The following OR6Y1 variants were observed in gnomAD, a reference collection of about 807,000 sequenced individuals.
OR6Y1 encodes the protein olfactory receptor 6Y1.
Under a neutral mutation model 0.4 loss-of-function variants are expected in OR6Y1, and 1 was observed. That is an observed-to-expected ratio of 2.74 (90% CI 0.97 to 13.02). The LOEUF (loss-of-function observed/expected upper bound fraction) is 13.02, where lower values mean the gene tolerates loss of function less well. Among genes scored for constraint, OR6Y1 ranks in the 30% most tolerant of loss-of-function variants. The pLI, the probability that OR6Y1 is intolerant of heterozygous loss-of-function variation, is 0.12. For missense variants in OR6Y1, 480 were observed against 399.8 expected (o/e 1.20, Z -1.71); for synonymous variants, 173 against 141.1 (o/e 1.23, Z -1.60).
intron 1 of OR6Y1, among the ~76,000 whole-genome samples, chr1:158,549,757 C>G (rs1488906788): frequency 2.0e-5 from 3 of 151,868 alleles, no homozygotes; most frequent in East Asian, 3.9e-4. Context: ...ATTCACTAGG[C>G]AGTGTGAGAG....
At position 158,549,174 on chromosome 1, in the gene OR6Y1, A is replaced by C. The variant is rs1647635963; in HGVS notation, c.-1069T>G. On this transcript the variant is annotated 5_prime_UTR_variant, in exon 2 of 2. Transcript: ENST00000641622. ...TGTAATCTGTTGGGAGTAATATCAG[A>C]GAAAACAAGCAAGAATTCTATTAGT... is the stretch of plus-strand genomic sequence containing the variant. 6.6e-6 allele frequency: 1 copy of C among 151,856 alleles called. No individual in the cohort carries two copies. Among genetic ancestry groups the C allele is most frequent in the South Asian group, 2.1e-4 (1 of 4,838 alleles). The allele number at this position is 151,856 out of a possible 1,614,324, so 9.4% of individuals were successfully genotyped here. A position where few individuals can be genotyped will look rare whatever the true frequency, so the allele number is the denominator to read the frequency against.
chr1:158,549,586 G>C (rs1393722479), intron 1 of OR6Y1, 49 bp from the exon 2 acceptor site: 1 of 151,538 alleles, frequency 6.6e-6, no homozygotes, highest in Non-Finnish European at 1.5e-5. Context: ...TCTGAGAGAG[G>C]GAAATGGACA....
In OR6Y1 at chr1:158,548,343, G is replaced by A. The variant is rs1471775972; in HGVS notation, c.-238C>T. On this transcript the variant is annotated 5_prime_UTR_variant, in exon 2 of 2. Transcript: ENST00000641622. ...TTCTCAAGAGCAGTAACTTGTCCAA[G>A]GTCATACAAAATAGAGTTTATAACT... 2.2e-6 allele frequency: 1 copy of A among 464,016 alleles called. No individual in the cohort carries two copies. The highest frequency in any genetic ancestry group is 3.8e-6 in the Non-Finnish European group (1 of 263,288). The allele number at this position is 464,016 out of a possible 1,614,324, so 28.7% of individuals were successfully genotyped here. A position where few individuals can be genotyped will look rare whatever the true frequency, so the allele number is the denominator to read the frequency against.
In OR6Y1 at chr1:158,547,960, A is replaced by G. The variant is rs369453828; in HGVS notation, c.146T>C (p.Leu49Pro). 8.7e-6 allele frequency: 14 copies of G among 1,613,480 alleles called. No homozygotes were observed. Among genetic ancestry groups the G allele is most frequent in the Non-Finnish European group, 1.2e-5 (14 of 1,179,998 alleles). Residue 49 changes from leucine (L) to proline (P), a missense_variant, in exon 2 of 2, where the codon CTT (leucine) becomes CCT (proline). Physicochemically the swap from Leu to Pro is moderately conservative, Grantham distance 98. Coordinates refer to ENST00000641622, the MANE Select transcript of OR6Y1 (RefSeq NM_001005189.2). ...ATCACTGTGGATAGCTAAGATGATAAGAAGATTCTCCAGCAGTGTCAGCAG... is the reference window on the plus strand; with the variant it reads ...ATCACTGTGGATAGCTAAGATGATAGGAAGATTCTCCAGCAGTGTCAGCAG... ...TYLLTLLENL[L>P]IILAIHSDGQ... is the part of the protein sequence containing the mutation.
Position 158,547,271 on chromosome 1 carries a change from C to A in OR6Y1, c.835G>T (p.Val279Leu). 2 of 1,613,550 alleles carry A rather than the reference C, an allele frequency of 1.2e-6. No homozygotes were observed. The highest frequency in any genetic ancestry group is 1.7e-6 in the Non-Finnish European group (2 of 1,179,978). ...ACAATGACAGTGTAGAGAACAGATA[C>A]CACTTTGTTGGAATTGTAGGCATAC... ...LMYAYNSNKV[V>L]SVLYTVIVPL... Residue 279 changes from valine to leucine, a missense_variant, in exon 2 of 2, where the codon GTA (valine) becomes TTA (leucine). Val to Leu is a conservative substitution (Grantham distance 32). Coordinates refer to ENST00000641622, the MANE Select transcript of OR6Y1 (RefSeq NM_001005189.2).
In OR6Y1 at chr1:158,549,722, T is replaced by A. The variant is rs182218954; in HGVS notation, c.-1432-185A>T. Among the ~76,000 whole-genome samples the A allele has an allele frequency of 3.4e-3, 516 of 151,842 alleles. 22 individuals carry two copies. Among genetic ancestry groups the A allele is most frequent in the African/African-American group, 0.011 (472 of 41,190 alleles). ...AACACACACACAGTCAACACAAAACTTGTCCTTGCTCATTGCAGCTTGGTA... is the reference window on the plus strand; with the variant it reads ...AACACACACACAGTCAACACAAAACATGTCCTTGCTCATTGCAGCTTGGTA... On this transcript the variant is annotated intron_variant, in intron 1 of 1. Transcript: ENST00000641622.
In OR6Y1 at chr1:158,546,963, T is replaced by C. The variant is rs1379741038; in HGVS notation, c.*165A>G. 1 of 607,150 alleles carries C rather than the reference T, an allele frequency of 1.6e-6. No homozygotes were observed. The highest frequency in any genetic ancestry group is 2.7e-6 in the Non-Finnish European group (1 of 367,594). The allele number at this position is 607,150 out of a possible 1,614,324, so 37.6% of individuals were successfully genotyped here. A position where few individuals can be genotyped will look rare whatever the true frequency, so the allele number is the denominator to read the frequency against. ...CAGAGGTTACTTCTTGAGAACATGT[T>C]TCTCCAGTCATGATTGTGTATACAC... On this transcript the variant is annotated 3_prime_UTR_variant, in exon 2 of 2. Coordinates refer to ENST00000641622, the MANE Select transcript of OR6Y1 (RefSeq NM_001005189.2).
rs1557895090 is a variant in OR6Y1 at position 158,547,153 on chromosome 1, T to TGG, written c.951_952dup (p.Gln318ProfsTer19). On this transcript the variant is annotated frameshift_variant, in exon 2 of 2. Transcript: ENST00000641622. LOFTEE classifies it low-confidence loss of function (END_TRUNC). ...TTAACTACTGAAAGCCCCATTTCCC[T>TGG]GGGGCCCACTTCCTCTGCAATGTAT... The TGG allele has an allele frequency of 6.2e-7, 1 of 1,613,016 alleles. No individual in the cohort carries two copies. The highest frequency in any genetic ancestry group is 1.3e-5 in the African/African-American group (1 of 74,534).
chr1:158,550,491 C>T (rs1391275222), intron 1 of OR6Y1, among the ~76,000 whole-genome samples: 1 of 151,090 alleles, frequency 6.6e-6, no homozygotes, highest in African/African-American at 2.5e-5. Flanking sequence ...TGGAATTTAG[C>T]TTTGAGGTCC....
chr1:158,547,201 A>C lies in OR6Y1; in HGVS notation c.905T>G (p.Val302Gly), dbSNP rs759016146. 6.8e-6 allele frequency: 11 copies of C among 1,613,420 alleles called. No individual in the cohort carries two copies. ...TATGGTCTTTCTGAGGGCTGCCTTT[A>C]CTTCATGGTTCCTCAGACAGTAAAT... The part of the protein sequence containing the change: ...PIIYCLRNHE[V>G]KAALRKTIHC... The change falls in exon 2 of 2, where the codon GTA becomes GGA. Residue 302 changes from valine (V) to glycine (G), a missense_variant. By Grantham distance (109) the Val-to-Gly change is moderately radical. Transcript: ENST00000641622.
intron 1 of OR6Y1, among the ~76,000 whole-genome samples, chr1:158,551,005 G>A (rs1387601588): frequency 6.6e-6 from 1 of 151,796 alleles, no homozygotes; most frequent in Non-Finnish European, 1.5e-5. Flanking sequence ...CTAGCTTAAT[G>A]GTACACAGCT....
chr1:158,549,092 T>C lies in OR6Y1; in HGVS notation c.-987A>G, dbSNP rs1647633916. ...AAACTGGTGCAAACAGCAGCCATTG[T>C]TAATGAAAAAAGGGAGAGGACCGTG... On this transcript the variant is annotated 5_prime_UTR_variant, in exon 2 of 2. Transcript: ENST00000641622. 1 of 151,700 alleles carries C rather than the reference T, an allele frequency of 6.6e-6. No homozygotes were observed. The highest frequency in any genetic ancestry group is 1.5e-5 in the Non-Finnish European group (1 of 68,036). 9.4% of individuals were successfully genotyped at this position (151,700 alleles called of 1,614,324 possible).
chr1:158,553,418 C>CTAGATATT (rs1445640666), intron 1 of OR6Y1, among the ~76,000 whole-genome samples: 1 of 152,038 alleles, frequency 6.6e-6, no homozygotes, highest in Non-Finnish European at 1.5e-5. Flanking sequence ...AAGGAGGATA[C>CTAGATATT]TGAATGTTCC....
chr1:158,547,718 C>G lies in OR6Y1; in HGVS notation c.388G>C (p.Ala130Pro), dbSNP rs1303754295. 2 of 1,613,398 alleles carry G rather than the reference C, an allele frequency of 1.2e-6. No homozygotes were observed. The change falls in exon 2 of 2, where the codon GCC (alanine) becomes CCC (proline). Residue 130 changes from alanine to proline, a missense_variant. Coordinates refer to ENST00000641622, the MANE Select transcript of OR6Y1 (RefSeq NM_001005189.2). ...GGGTAGCGTAGTGGATTACAAATGGCTACATAGCGGTCAAAGGCCATGATA... is the reference window on the plus strand; with the variant it reads ...GGGTAGCGTAGTGGATTACAAATGGGTACATAGCGGTCAAAGGCCATGATA... ...LAIMAFDRYVAICNPLRYPVI... is the reference protein window; with the variant it reads ...LAIMAFDRYVPICNPLRYPVI...
rs1557895547 is a variant in OR6Y1, at chr1:158,547,804, C to G, written c.302G>C (p.Gly101Ala). Residue 101 changes from glycine to alanine, a missense_variant, in exon 2 of 2, where the codon GGC (glycine) becomes GCC (alanine). Coordinates refer to ENST00000641622, the MANE Select transcript of OR6Y1 (RefSeq NM_001005189.2). Reference protein sequence around the residue: ...LSHDKSISFNGCMTQLYFFVT... With the variant: ...LSHDKSISFNACMTQLYFFVT... ...AAAAAAGTAAAGTTGAGTCATGCAG[C>G]CATTGAAGGAAATACTCTTGTCATG... 1 of 1,613,454 alleles carries G rather than the reference C, an allele frequency of 6.2e-7. No individual in the cohort carries two copies. The highest frequency in any genetic ancestry group is 1.7e-5 in the Admixed American group (1 of 59,980).
chr1:158,550,355 T>C (rs1261030260), intron 1 of OR6Y1, among the ~76,000 whole-genome samples: 2 of 151,300 alleles, frequency 1.3e-5, no homozygotes, highest in East Asian at 3.9e-4. Context: ...ATTCATTCAT[T>C]CTTCTTCTAA....
At chr1:158,554,015 T>G (rs1199462402) in intron 1 of OR6Y1, among the ~76,000 whole-genome samples, 1 of 152,212 alleles carries the variant, frequency 6.6e-6, no homozygotes, top group Non-Finnish European at 1.5e-5. Context: ...GAAAAAAATC[T>G]TTGTTGAACT....
intron 1 of OR6Y1, among the ~76,000 whole-genome samples, chr1:158,550,275 A>G (rs1406323149): frequency 3.3e-5 from 5 of 150,104 alleles, no homozygotes; most frequent in Non-Finnish European, 7.4e-5. Flanking sequence ...AGCTGGAAAT[A>G]AAAACATCTA....
Position 158,545,727 on chromosome 1 carries a change from T to G in OR6Y1, c.*1401A>C, listed in dbSNP as rs1247032022. 1 of 152,218 alleles carries G rather than the reference T, an allele frequency of 6.6e-6. No homozygotes were observed. The highest frequency in any genetic ancestry group is 2.4e-5 in the African/African-American group (1 of 41,468). The allele number at this position is 152,218 out of a possible 1,614,324, so 9.4% of individuals were successfully genotyped here. On this transcript the variant is annotated 3_prime_UTR_variant, in exon 2 of 2. Transcript: ENST00000641622. ...CAGTTGTATGGTTTGCCAAAAATGTTTTCATTCTGTAGGTTGTTTGTTCAC... is the reference window on the plus strand; with the variant it reads ...CAGTTGTATGGTTTGCCAAAAATGTGTTCATTCTGTAGGTTGTTTGTTCAC...
Sources: gnomAD v4.1 joint callset for allele counts (sites outside exome capture counted in the v4.1 genomes callset) on GRCh38, gnomAD v4.1.1 for gene constraint, MANE v1.5 for transcripts, NCBI Gene and HGNC (gene_info 2026-07-23, HGNC 2026-07-21) for gene names.